DLG2: variants seen among roughly 807,000 people sequenced by gnomAD.
DLG2 encodes discs large MAGUK scaffold protein 2.
DLG2 carries 45 observed loss-of-function variants against 132.5 expected under a neutral mutation model. That is an observed-to-expected ratio of 0.34 (90% CI 0.27 to 0.44). DLG2 has a LOEUF of 0.44. Among genes scored for constraint, DLG2 ranks in the 20% least tolerant of loss-of-function variants. The probability of loss-of-function intolerance (pLI) is 1.00; values close to 1 mark genes in which losing one functional copy is unlikely to be tolerated. For missense variants in DLG2, 1,045 were observed against 1,196.9 expected, an observed-to-expected ratio of 0.87 and a Z score of 1.87; for synonymous variants, 424 against 419.6, an observed-to-expected ratio of 1.01 and a Z score of -0.13.
At chr11:84,835,923 T>C (rs2079700354) in intron 6 of DLG2, among the ~76,000 whole-genome samples, 1 of 151,710 alleles carries the variant, frequency 6.6e-6, no homozygotes, top group African/African-American at 2.4e-5. Context: ...TCAAATAACC[T>C]TAAATTTCTT....
chr11:85,164,375 A>G (rs1195913951), intron 4 of DLG2, among the ~76,000 whole-genome samples: 1 of 151,970 alleles, frequency 6.6e-6, no homozygotes. Context: ...CCCCAGTGAG[A>G]TTTACAACCT....
At chr11:85,079,964 T>G (rs1170134246) in intron 6 of DLG2, among the ~76,000 whole-genome samples, 3 of 152,082 alleles carry the variant, frequency 2.0e-5, no homozygotes, top group Non-Finnish European at 4.4e-5. Flanking sequence ...AGTAATTTTC[T>G]TTCAGTTAGA....
intron 10 of DLG2, among the ~76,000 whole-genome samples, chr11:84,097,703 A>G (rs554292247): frequency 6.6e-6 from 1 of 152,192 alleles, no homozygotes; most frequent in South Asian, 2.1e-4. Context: ...TACTTACTCA[A>G]AAATTCATTT....
chr11:84,103,204 T>C (rs2092665586), intron 9 of DLG2, among the ~76,000 whole-genome samples: 1 of 152,084 alleles, frequency 6.6e-6, no homozygotes. Flanking sequence ...AGCCTTCCCT[T>C]TTAAGTCTTT....
At chr11:85,308,785 A>G (rs1020989510) in intron 3 of DLG2, among the ~76,000 whole-genome samples, 1 of 152,214 alleles carries the variant, frequency 6.6e-6, no homozygotes, top group Non-Finnish European at 1.5e-5. Context: ...ACTAGCTAAT[A>G]ATAATGTTAG....
At chr11:83,994,816 T>G (rs1422144142) in intron 11 of DLG2, among the ~76,000 whole-genome samples, 1 of 152,084 alleles carries the variant, frequency 6.6e-6, no homozygotes, top group Non-Finnish European at 1.5e-5. Context: ...CAGGGTTGAG[T>G]CCTCCTGAAA....
In DLG2 at chr11:84,996,483, T is replaced by G. The variant is rs527351133; in HGVS notation, c.357+115178A>C. ...ACTTAAGTCACCAGTGGTAATTCAG[T>G]AATTAAGATCTGTCTACTATTTAAG... On this transcript the variant is annotated intron_variant, in intron 6 of 27. Coordinates refer to ENST00000376104, the MANE Select transcript of DLG2 (RefSeq NM_001142699.3). Among the ~76,000 whole-genome samples the G allele has an allele frequency of 3.3e-5, 5 of 152,318 alleles. No homozygotes were observed. In the East Asian group the frequency reaches 9.6e-4, roughly 29 times the overall value.
intron 3 of DLG2, among the ~76,000 whole-genome samples, chr11:85,301,398 T>C (rs1002330636): frequency 3.3e-5 from 5 of 152,086 alleles, no homozygotes; most frequent in Admixed American, 6.5e-5. Context: ...AAAGGTGGAA[T>C]GAGAGAATCA....
At chr11:84,669,749 G>C (rs1205645793) in intron 6 of DLG2, among the ~76,000 whole-genome samples, 1 of 152,092 alleles carries the variant, frequency 6.6e-6, no homozygotes, top group Non-Finnish European at 1.5e-5. Context: ...TGATCAAATG[G>C]ACTGTCAGAA....
chr11:84,154,505 G>T (rs1345440288), intron 9 of DLG2, among the ~76,000 whole-genome samples: 1 of 152,072 alleles, frequency 6.6e-6, no homozygotes, highest in Admixed American at 6.6e-5. Flanking sequence ...CATACAGATA[G>T]ATACTTTTAA....
intron 6 of DLG2, among the ~76,000 whole-genome samples, chr11:85,044,650 CA>C (rs1163812502): frequency 2.6e-5 from 4 of 152,074 alleles, no homozygotes; most frequent in African/African-American, 9.6e-5. Context: ...GAGCCCAGGT[CA>C]GGGGCAGTTT....
intron 4 of DLG2, among the ~76,000 whole-genome samples, chr11:85,267,936 G>C (rs1949394): frequency 0.087 from 13,127 of 151,712 alleles, 786 homozygotes; most frequent in Non-Finnish European, 0.13. Flanking sequence ...GCTTTCCTTT[G>C]CTATCAGGCT....
chr11:85,445,205 A>G (rs2091952992), intron 3 of DLG2, among the ~76,000 whole-genome samples: 1 of 152,212 alleles, frequency 6.6e-6, no homozygotes, highest in Non-Finnish European at 1.5e-5. Flanking sequence ...AGGAGTAGTT[A>G]AAAGATTTAA....
At chr11:85,351,627 G>C (rs1326901846) in intron 3 of DLG2, among the ~76,000 whole-genome samples, 1 of 152,178 alleles carries the variant, frequency 6.6e-6, no homozygotes, top group Non-Finnish European at 1.5e-5. Flanking sequence ...AAGAGCTATT[G>C]AATTTTGTCG....
chr11:84,208,854 G>T (rs1049616774), intron 8 of DLG2, among the ~76,000 whole-genome samples: 1 of 152,148 alleles, frequency 6.6e-6, no homozygotes, highest in Non-Finnish European at 1.5e-5. Context: ...GTGGATGGTA[G>T]AAAGTGGGAG....
intron 3 of DLG2, among the ~76,000 whole-genome samples, chr11:85,516,621 G>C (rs887896328): frequency 2.6e-5 from 4 of 151,944 alleles, no homozygotes; most frequent in Non-Finnish European, 5.9e-5. Flanking sequence ...AAATACAATT[G>C]ATAATCAGAA....
chr11:85,519,890 A>G (rs971167291), intron 3 of DLG2, among the ~76,000 whole-genome samples: 7 of 152,170 alleles, frequency 4.6e-5, no homozygotes, highest in Non-Finnish European at 1.0e-4. Context: ...GTCTGCCACC[A>G]TGTGAAATGT....
chr11:83,895,674 C>G (rs981716291), intron 15 of DLG2, among the ~76,000 whole-genome samples: 4 of 152,182 alleles, frequency 2.6e-5, no homozygotes, highest in African/African-American at 9.7e-5. Context: ...GTTCTTTACC[C>G]AGCCTGCTGC....
chr11:84,246,981 A>G (rs2097310445), intron 8 of DLG2, among the ~76,000 whole-genome samples: 2 of 152,176 alleles, frequency 1.3e-5, no homozygotes, highest in Admixed American at 6.5e-5. Context: ...GAAAATCCAT[A>G]TCTTTAAAAT....
Sources: allele counts gnomAD v4.1 joint callset (sites outside exome capture counted in the v4.1 genomes callset), GRCh38; gene constraint gnomAD v4.1.1; transcripts MANE v1.5; gene names NCBI Gene and HGNC (gene_info 2026-07-23, HGNC 2026-07-21).